TENM1: variants seen among roughly 807,000 people sequenced by gnomAD.
The protein encoded by TENM1 is teneurin transmembrane protein 1.
TENM1 carries 35 observed loss-of-function variants against 174.8 expected under a neutral mutation model. That is an observed-to-expected ratio of 0.20 (90% CI 0.15 to 0.27). The LOEUF (loss-of-function observed/expected upper bound fraction) is 0.27, where lower values mean the gene tolerates loss of function less well. TENM1 is among the 10% of genes least tolerant of loss of function. TENM1 has a pLI of 1.00. For synonymous variants in TENM1, 781 were observed against 798.7 expected, an observed-to-expected ratio of 0.98 and a Z score of 0.37; for missense variants, 1,633 against 2,130.1, an observed-to-expected ratio of 0.77 and a Z score of 4.59.
At chrX:124,865,567 T>C (rs1334693103) in intron 3 of TENM1, among the ~76,000 whole-genome samples, 1 of 111,087 alleles carries the variant, frequency 9.0e-6, no homozygotes, top group Non-Finnish European at 1.9e-5. Flanking sequence ...CCAGAGAATA[T>C]CATCTTCACT....
chrX:124,710,214 G>C (rs2053012818), intron 4 of TENM1, among the ~76,000 whole-genome samples: 1 of 110,752 alleles, frequency 9.0e-6, no homozygotes, highest in Non-Finnish European at 1.9e-5. Context: ...TAGGGATGTA[G>C]CCTCCCTACC....
chrX:124,739,319 A>G, intron 3 of TENM1, among the ~76,000 whole-genome samples: 1 of 111,924 alleles, frequency 8.9e-6, no homozygotes. Context: ...TAAAAGTATA[A>G]AACTATAAGG....
intron 1 of TENM1, among the ~76,000 whole-genome samples, chrX:124,907,043 C>T (rs906055005): frequency 1.8e-5 from 2 of 111,061 alleles, no homozygotes; most frequent in Admixed American, 9.6e-5. Flanking sequence ...TTTACCAACT[C>T]GTATACTCTA....
intron 1 of TENM1, among the ~76,000 whole-genome samples, chrX:124,917,552 C>G (rs1275542630): frequency 6.3e-5 from 7 of 111,826 alleles, no homozygotes. Context: ...ATCACCTCCA[C>G]AACCACAGGA....
intron 1 of TENM1, among the ~76,000 whole-genome samples, chrX:124,912,771 G>A (rs1032667541): frequency 3.6e-5 from 4 of 111,468 alleles, no homozygotes; most frequent in Non-Finnish European, 7.5e-5. Flanking sequence ...GTCCACTTGC[G>A]AACAGTTTGA....
intron 27 of TENM1, among the ~76,000 whole-genome samples, chrX:124,397,851 C>T (rs1464946361): frequency 2.7e-5 from 3 of 109,184 alleles, no homozygotes; most frequent in African/African-American, 9.9e-5. Flanking sequence ...CCTCAGCCTC[C>T]CAAAGTCCTG....
intron 3 of TENM1, among the ~76,000 whole-genome samples, chrX:124,785,780 G>A (rs2055020972): frequency 8.9e-6 from 1 of 111,952 alleles, no homozygotes; most frequent in Non-Finnish European, 1.9e-5. Flanking sequence ...CGATTTGTCA[G>A]CCAGTCTCCT....
intron 22 of TENM1, among the ~76,000 whole-genome samples, chrX:124,477,838 C>T (rs1244149738): frequency 3.6e-5 from 4 of 110,030 alleles, no homozygotes; most frequent in Non-Finnish European, 7.6e-5. Flanking sequence ...TATCTGTAAA[C>T]TGTGTGAAAC....
intron 16 of TENM1, among the ~76,000 whole-genome samples, chrX:124,529,166 T>C (rs758044141): frequency 8.9e-6 from 1 of 111,903 alleles, no homozygotes; most frequent in Non-Finnish European, 1.9e-5. Context: ...GAGTCATAAA[T>C]AGGTACCTTT....
chrX:124,476,392 C>T (rs938736797), intron 22 of TENM1, among the ~76,000 whole-genome samples: 1 of 111,798 alleles, frequency 8.9e-6, no homozygotes, highest in Non-Finnish European at 1.9e-5. Context: ...AGATGAATCC[C>T]GTAAGGTTAG....
At chrX:124,793,495 C>G (rs1360619984) in intron 3 of TENM1, among the ~76,000 whole-genome samples, 1 of 110,904 alleles carries the variant, frequency 9.0e-6, no homozygotes, top group African/African-American at 3.3e-5. Flanking sequence ...ATTAGAAAGA[C>G]AAAAAAGACA....
chrX:124,553,235 G>A (rs1183213362), intron 14 of TENM1, among the ~76,000 whole-genome samples: 3 of 88,549 alleles, frequency 3.4e-5, no homozygotes, highest in Non-Finnish European at 6.5e-5. Flanking sequence ...GGTGGCTCAC[G>A]CCTGTAATCT....
chrX:124,440,072 A>C (rs2060887015), intron 23 of TENM1, among the ~76,000 whole-genome samples: 1 of 111,490 alleles, frequency 9.0e-6, no homozygotes, highest in Non-Finnish European at 1.9e-5. Flanking sequence ...TAAAGGCCTG[A>C]TTTTGTCTCT....
chrX:124,693,724 G>GT (rs2052584418), intron 5 of TENM1, among the ~76,000 whole-genome samples: 1 of 107,501 alleles, frequency 9.3e-6, no homozygotes, highest in Non-Finnish European at 1.9e-5. Flanking sequence ...TTTTATTGCT[G>GT]TTTTTTTCTG....
chrX:124,758,129 A>G lies in TENM1; in HGVS notation c.536-20932T>C, dbSNP rs150673112. Among the ~76,000 whole-genome samples the G allele has an allele frequency of 8.4e-3, 946 of 112,228 alleles. 14 individuals are homozygous for G. Among genetic ancestry groups the G allele is most frequent in the African/African-American group, 0.029 (889 of 30,877 alleles). ...CTGAGAAGAGATTAACATCCAGAAT[A>G]GAAAAGGAACTCATACAATTCAATA... On this transcript the variant is annotated intron_variant, in intron 3 of 31. Coordinates refer to ENST00000422452, the Ensembl canonical transcript of TENM1.
the TENM1 span, among the ~76,000 whole-genome samples, chrX:125,113,042 T>C: frequency 9.0e-6 from 1 of 111,530 alleles, no homozygotes; most frequent in Non-Finnish European, 1.9e-5. Flanking sequence ...ATACTACACA[T>C]AGTCTAATGG....
chrX:124,442,456 G>A (rs1319372317), intron 23 of TENM1, among the ~76,000 whole-genome samples: 1 of 111,557 alleles, frequency 9.0e-6, no homozygotes, highest in Non-Finnish European at 1.9e-5. Flanking sequence ...TTCTCTTTCA[G>A]TGTGCACATG....
upstream of TENM1, among the ~76,000 whole-genome samples, chrX:124,964,780 T>TAAC (rs1311850111): frequency 1.2e-4 from 13 of 112,381 alleles, 1 homozygote; most frequent in East Asian, 3.6e-3. Flanking sequence ...TGTTGCAACT[T>TAAC]TGCAACTTGG....
At chrX:124,376,436 T>C (rs2060103921) in exon 32 of TENM1, 1 of 112,383 alleles carries the variant, frequency 8.9e-6, no homozygotes, top group Non-Finnish European at 1.9e-5. Context: ...CACAATCTGA[T>C]ATACTAACAT....
Sources: gnomAD v4.1 joint callset for allele counts (sites outside exome capture counted in the v4.1 genomes callset) on GRCh38, gnomAD v4.1.1 for gene constraint, MANE v1.5 for transcripts, NCBI Gene and HGNC (gene_info 2026-07-23, HGNC 2026-07-21) for gene names.